Variants in EIF4G3 observed in about 807,000 individuals in gnomAD.
EIF4G3 encodes eIF-4-gamma 3.
EIF4G3 carries 34 observed loss-of-function variants against 186.4 expected under a neutral mutation model. The observed-to-expected ratio is 0.18, with a 90% CI of 0.14 to 0.24. EIF4G3 has a LOEUF of 0.24. EIF4G3 is among the 10% of genes least tolerant of loss of function. The probability of loss-of-function intolerance (pLI) is 1.00; values close to 1 mark genes in which losing one functional copy is unlikely to be tolerated. For synonymous variants in EIF4G3, 673 were observed against 679.5 expected (o/e 0.99, Z 0.15); for missense variants, 1,536 against 1,948.5 (o/e 0.79, Z 3.99).
chr1:20,971,714 ACCTCCC>A (rs2075919800), intron 11 of EIF4G3, among the ~76,000 whole-genome samples: 1 of 151,802 alleles, frequency 6.6e-6, no homozygotes, highest in Non-Finnish European at 1.5e-5. Context: ...TCTCACTGCA[ACCTCCC>A]CCTCCCAGTT....
At chr1:20,925,594 C>T (rs1414535682) in intron 14 of EIF4G3, among the ~76,000 whole-genome samples, 1 of 152,144 alleles carries the variant, frequency 6.6e-6, no homozygotes, top group African/African-American at 2.4e-5. Context: ...AGTGTGGTGA[C>T]ACCATCATAC....
At chr1:21,037,636 T>C (rs1442347811) in intron 4 of EIF4G3, among the ~76,000 whole-genome samples, 1 of 152,234 alleles carries the variant, frequency 6.6e-6, no homozygotes, top group Non-Finnish European at 1.5e-5. Context: ...AAAAAAGCTG[T>C]AACAGTCTGT....
At chr1:20,982,662 A>C (rs2078542013) in intron 7 of EIF4G3, among the ~76,000 whole-genome samples, 1 of 152,224 alleles carries the variant, frequency 6.6e-6, no homozygotes, top group Non-Finnish European at 1.5e-5. Context: ...TATGATTATT[A>C]ATAGCCACAA....
chr1:20,865,873 A>G (rs2077448303), intron 20 of EIF4G3, among the ~76,000 whole-genome samples: 1 of 151,552 alleles, frequency 6.6e-6, no homozygotes, highest in African/African-American at 2.4e-5. Flanking sequence ...GTTTGGAAGC[A>G]AGATCCTTAC....
At chr1:21,176,679 G>T (rs771614290) in intron 1 of EIF4G3, 43 bp downstream of exon 1, 21 of 592,186 alleles carry the variant, frequency 3.5e-5, no homozygotes, top group Middle Eastern at 5.4e-4. Flanking sequence ...GACCCCAGGG[G>T]GGGGGCCGGA....
chr1:21,173,137 CAAAAAAAAAA>C lies in EIF4G3; in HGVS notation c.-272+3028_-272+3037del, dbSNP rs1193601902. ...CTGGCAACAGAGCGAGACTCAATCTCAAAAAAAAAAAAAAAAAAAAAAAAAAAAGACGTGG... is the reference window on the plus strand; with the variant it reads ...CTGGCAACAGAGCGAGACTCAATCTCAAAAAAAAAAAAAAAAAAGACGTGG... On this transcript the variant is annotated intron_variant, in intron 2 of 36. Coordinates refer to ENST00000602326, the MANE Select transcript of EIF4G3 (RefSeq NM_001391906.1). Among the ~76,000 whole-genome samples, 68 of 29,194 alleles carry C rather than the reference CAAAAAAAAAA, an allele frequency of 2.3e-3. No individual in the cohort carries two copies. In the East Asian group the frequency reaches 0.066, roughly 28 times the overall value. 19.2% of individuals were successfully genotyped at this position (29,194 alleles called of 152,430 possible).
chr1:20,814,551 T>TGG (rs2059968169), intron 34 of EIF4G3, among the ~76,000 whole-genome samples: 1 of 152,100 alleles, frequency 6.6e-6, no homozygotes, highest in Non-Finnish European at 1.5e-5. Context: ...GCAGTGTATT[T>TGG]TAATGACTAC....
At chr1:20,841,159 T>C in intron 29 of EIF4G3, 131 bp from the exon 30 acceptor site, 1 of 844,008 alleles carries the variant, frequency 1.2e-6, no homozygotes. Flanking sequence ...TTTTCAAATA[T>C]AAGTTTATAT....
chr1:20,922,537 T>G (rs1294515923), intron 14 of EIF4G3, among the ~76,000 whole-genome samples: 1 of 152,140 alleles, frequency 6.6e-6, no homozygotes, highest in African/African-American at 2.4e-5. Context: ...CCTCAGATAA[T>G]CCGCCCGCCT....
rs114199188 is a variant in EIF4G3, at chr1:20,850,568, A to C, written c.3772+690T>G. ...AGAGGCTGAAAATAATCTTCAATTT[A>C]AACTGTTTTCCATTGCTATATTCGT... On this transcript the variant is annotated intron_variant, in intron 28 of 36. Coordinates refer to ENST00000602326, the MANE Select transcript of EIF4G3 (RefSeq NM_001391906.1). Among the ~76,000 whole-genome samples, 515 of 152,344 alleles carry C rather than the reference A, an allele frequency of 3.4e-3. 1 individual carries two copies. Among genetic ancestry groups the C allele is most frequent in the African/African-American group, 0.012 (492 of 41,578 alleles).
At chr1:21,142,868 T>A (rs977653173) in intron 2 of EIF4G3, among the ~76,000 whole-genome samples, 1 of 152,162 alleles carries the variant, frequency 6.6e-6, no homozygotes, top group Non-Finnish European at 1.5e-5. Flanking sequence ...TTAAGCAGCA[T>A]CCATAAGTAA....
intron 20 of EIF4G3, among the ~76,000 whole-genome samples, chr1:20,875,834 C>T (rs2080602757): frequency 6.6e-6 from 1 of 152,048 alleles, no homozygotes; most frequent in Non-Finnish European, 1.5e-5. Flanking sequence ...ATCATGTGAC[C>T]TCAGAAGGTT....
At chr1:21,040,432 A>G (rs2093498611) in intron 4 of EIF4G3, among the ~76,000 whole-genome samples, 1 of 152,172 alleles carries the variant, frequency 6.6e-6, no homozygotes, top group African/African-American at 2.4e-5. Context: ...ACAAGTAAAC[A>G]TGTTTTCCTG....
At chr1:21,167,356 T>C (rs1264301933) in intron 2 of EIF4G3, among the ~76,000 whole-genome samples, 2 of 152,136 alleles carry the variant, frequency 1.3e-5, no homozygotes, top group East Asian at 3.9e-4. Flanking sequence ...TCACTCCTCA[T>C]GATACTAACA....
chr1:21,170,321 T>C (rs1413319236), intron 2 of EIF4G3, among the ~76,000 whole-genome samples: 2 of 152,110 alleles, frequency 1.3e-5, no homozygotes, highest in East Asian at 3.9e-4. Context: ...GAGTTTACAT[T>C]CTATTAACAA....
At chr1:21,136,642 C>CA (rs1558133481) in intron 2 of EIF4G3, among the ~76,000 whole-genome samples, 2 of 152,172 alleles carry the variant, frequency 1.3e-5, no homozygotes, top group Non-Finnish European at 2.9e-5. Flanking sequence ...CAAAGTTACC[C>CA]ACACTTGTTA....
intron 2 of EIF4G3, among the ~76,000 whole-genome samples, chr1:21,137,577 G>A (rs1407700766): frequency 6.6e-6 from 1 of 152,106 alleles, no homozygotes; most frequent in Non-Finnish European, 1.5e-5. Flanking sequence ...GGGAGTTAGA[G>A]GCAGGAGGAT....
intron 3 of EIF4G3, among the ~76,000 whole-genome samples, chr1:21,055,325 A>G (rs1285286078): frequency 1.3e-5 from 2 of 152,152 alleles, no homozygotes; most frequent in African/African-American, 2.4e-5. Flanking sequence ...CAAAGAAGTT[A>G]ACTATATAAA....
chr1:21,041,288 A>G (rs2093565893), intron 4 of EIF4G3, among the ~76,000 whole-genome samples: 1 of 152,044 alleles, frequency 6.6e-6, no homozygotes, highest in Non-Finnish European at 1.5e-5. Context: ...AAGTCTCACT[A>G]TGTTGCCCAG....
Sources: gnomAD v4.1 joint callset for allele counts (sites outside exome capture counted in the v4.1 genomes callset) on GRCh38, gnomAD v4.1.1 for gene constraint, MANE v1.5 for transcripts, NCBI Gene and HGNC (gene_info 2026-07-23, HGNC 2026-07-21) for gene names.